The following ATRN variants were observed in gnomAD, a reference collection of about 807,000 sequenced individuals.
ATRN encodes the protein attractin.
In ATRN, 54 loss-of-function variants were observed where a neutral mutation model predicts 178.7. The ratio of observed to expected loss-of-function variants is 0.30; its 90% confidence interval spans 0.24 to 0.38. The LOEUF (loss-of-function observed/expected upper bound fraction) is 0.38, where lower values mean the gene tolerates loss of function less well. Among genes scored for constraint, ATRN ranks in the 10% least tolerant of loss-of-function variants. ATRN has a pLI of 1.00. For missense variants in ATRN, 1,443 were observed against 1,815.1 expected (o/e 0.79, Z 3.73); for synonymous variants, 636 against 663.0 (o/e 0.96, Z 0.63).
chr20:3,596,540 G>T, intron 21 of ATRN, 111 bp downstream of exon 21: 1 of 976,144 alleles, frequency 1.0e-6, no homozygotes. Flanking sequence ...AGCCACCAAT[G>T]AAGTGTTCCC....
At chr20:3,608,967 C>CAAAA (rs758329997) in intron 24 of ATRN, among the ~76,000 whole-genome samples, 2 of 58,274 alleles carry the variant, frequency 3.4e-5, no homozygotes, top group South Asian at 7.5e-4. Context: ...GACTCTGTCT[C>CAAAA]AAAAAAAAAA....
chr20:3,550,813 T>C (rs1600098961), intron 6 of ATRN, among the ~76,000 whole-genome samples: 1 of 152,268 alleles, frequency 6.6e-6, no homozygotes, highest in East Asian at 1.9e-4. Context: ...AAGAGACCTG[T>C]CAGGGTCTAT....
At chr20:3,599,727 A>AG (rs1212675359) in intron 22 of ATRN, among the ~76,000 whole-genome samples, 4 of 152,176 alleles carry the variant, frequency 2.6e-5, no homozygotes, top group African/African-American at 9.7e-5. Context: ...GGGCATGCTC[A>AG]GGGGGTCCTG....
intron 25 of ATRN, among the ~76,000 whole-genome samples, chr20:3,627,596 A>T (rs1407726331): frequency 6.6e-6 from 1 of 152,240 alleles, no homozygotes; most frequent in Non-Finnish European, 1.5e-5. Flanking sequence ...GAGAGAAGGT[A>T]TATGGTATAT....
At chr20:3,519,619 G>A (rs977976227) in intron 1 of ATRN, among the ~76,000 whole-genome samples, 27 of 152,088 alleles carry the variant, frequency 1.8e-4, no homozygotes, top group Admixed American at 8.5e-4. Flanking sequence ...AAAAGACTAC[G>A]TATTGTGTAC....
chr20:3,601,697 CAAAAA>C (rs11475145), intron 23 of ATRN, among the ~76,000 whole-genome samples: 1 of 84,866 alleles, frequency 1.2e-5, no homozygotes, highest in Non-Finnish European at 2.3e-5. Flanking sequence ...ACCCTGTCTA[CAAAAA>C]AAAAAAAAAA....
chr20:3,538,762 G>A (rs1470696005), intron 2 of ATRN, among the ~76,000 whole-genome samples: 1 of 152,050 alleles, frequency 6.6e-6, no homozygotes, highest in Non-Finnish European at 1.5e-5. Context: ...TCTCTCCTGG[G>A]CCACTTAATA....
intron 1 of ATRN, among the ~76,000 whole-genome samples, chr20:3,479,982 C>T (rs2084596613): frequency 6.6e-6 from 1 of 152,166 alleles, no homozygotes; most frequent in South Asian, 2.1e-4. Context: ...TTCACAGGGA[C>T]CCAGGGTTAG....
At chr20:3,626,989 G>C (rs750592600) in intron 25 of ATRN, among the ~76,000 whole-genome samples, 12 of 151,856 alleles carry the variant, frequency 7.9e-5, no homozygotes, top group Non-Finnish European at 1.5e-4. Flanking sequence ...GTTTCACCAG[G>C]TTGGCCAGGC....
intron 11 of ATRN, among the ~76,000 whole-genome samples, chr20:3,566,457 C>T (rs1212676020): frequency 6.6e-6 from 1 of 152,206 alleles, no homozygotes; most frequent in Non-Finnish European, 1.5e-5. Flanking sequence ...GCTATTACTA[C>T]TGCTGTCTAC....
At chr20:3,538,632 T>G (rs2085574488) in intron 2 of ATRN, among the ~76,000 whole-genome samples, 2 of 152,162 alleles carry the variant, frequency 1.3e-5, no homozygotes, top group African/African-American at 4.8e-5. Flanking sequence ...CCCCTTTTCC[T>G]TATTCCCTAC....
intron 1 of ATRN, among the ~76,000 whole-genome samples, chr20:3,473,528 C>T (rs1257830234): frequency 6.6e-6 from 1 of 152,156 alleles, no homozygotes; most frequent in African/African-American, 2.4e-5. Flanking sequence ...ACCTTTAGCC[C>T]AAGAGCTGTG....
intron 26 of ATRN, among the ~76,000 whole-genome samples, chr20:3,635,540 T>C (rs1200401217): frequency 6.6e-6 from 1 of 152,154 alleles, no homozygotes; most frequent in African/African-American, 2.4e-5. Context: ...CACGTGTATA[T>C]AAGATCTAGA....
intron 24 of ATRN, among the ~76,000 whole-genome samples, chr20:3,614,287 A>T (rs1401515409): frequency 6.6e-6 from 1 of 151,976 alleles, no homozygotes; most frequent in Non-Finnish European, 1.5e-5. Context: ...CTATGTCCAT[A>T]GTTTGGGGGC....
chr20:3,500,370 T>C (rs142845602), intron 1 of ATRN, among the ~76,000 whole-genome samples: 16,487 of 152,100 alleles, frequency 0.11, 986 homozygotes, highest in Middle Eastern at 0.17. Context: ...CATGCTGCTA[T>C]AAAGACACAT....
At chr20:3,525,353 A>G (rs184210644) in intron 1 of ATRN, among the ~76,000 whole-genome samples, 1 of 152,340 alleles carries the variant, frequency 6.6e-6, no homozygotes, top group Non-Finnish European at 1.5e-5. Context: ...AACGAGGGAA[A>G]AGTTGAATCC....
At chr20:3,563,443 A>T in intron 10 of ATRN, 80 bp downstream of exon 10, 1 of 1,419,254 alleles carries the variant, frequency 7.0e-7, no homozygotes, top group Non-Finnish European at 9.6e-7. Context: ...GACTGAAAAT[A>T]TTGCCAGTTC....
At chr20:3,509,809 T>A (rs2146124859) in intron 1 of ATRN, among the ~76,000 whole-genome samples, 1 of 152,256 alleles carries the variant, frequency 6.6e-6, no homozygotes, top group East Asian at 1.9e-4. Context: ...CAGCCACAAA[T>A]TTTTTATTTG....
In ATRN at chr20:3,627,256, C is replaced by T. The variant is rs546361283; in HGVS notation, c.3863+2684C>T. On this transcript the variant is annotated intron_variant, in intron 25 of 28. Transcript: ENST00000262919. ...GAATCACTTGCGGAGCTTTTGATGT[C>T]CAAGCCACTCTTCAGACCATTTGAC... Among the ~76,000 whole-genome samples, 18 of 152,256 alleles carry T rather than the reference C, an allele frequency of 1.2e-4. 1 individual carries two copies. In the South Asian group the frequency reaches 3.7e-3, roughly 32 times the overall value.
Sources: gnomAD v4.1 joint callset for allele counts (sites outside exome capture counted in the v4.1 genomes callset) on GRCh38, gnomAD v4.1.1 for gene constraint, MANE v1.5 for transcripts, NCBI Gene and HGNC (gene_info 2026-07-23, HGNC 2026-07-21) for gene names.